USP24: variants seen among roughly 807,000 people sequenced by gnomAD.
The protein encoded by USP24 is ubiquitin specific peptidase 24, also known as ubiquitin carboxyl-terminal hydrolase 24.
USP24 carries 97 observed loss-of-function variants against 361.6 expected under a neutral mutation model. The ratio of observed to expected loss-of-function variants is 0.27; its 90% CI spans 0.23 to 0.32. USP24 has a LOEUF of 0.32. Among genes scored for constraint, USP24 ranks in the 10% least tolerant of loss-of-function variants. The pLI is 1.00. For synonymous variants in USP24, 1,098 were observed against 1,124.6 expected (o/e 0.98, Z 0.47); for missense variants, 2,353 against 3,165.6 (o/e 0.74, Z 6.16).
rs1402776866 is a variant in USP24 at position 55,068,646 on chromosome 1, A to G, written c.*399T>C. The G allele has an allele frequency of 5.6e-6, 1 of 177,302 alleles. No homozygotes were observed. Among genetic ancestry groups the G allele is most frequent in the African/African-American group, 2.4e-5 (1 of 42,534 alleles). The allele number at this position is 177,302 out of a possible 1,614,324, so 11.0% of individuals were successfully genotyped here. A position where few individuals can be genotyped will look rare whatever the true frequency, so the allele number is the denominator to read the frequency against. The stretch of plus-strand genomic sequence containing the variant: ...AAAAATTTGCCCCCACATATCTAAA[A>G]GCAGCTTGCTTTTTCTTAAAATATA... On this transcript the variant is annotated 3_prime_UTR_variant, in exon 68 of 68. Transcript: ENST00000294383.
At chr1:55,075,351 G>A in intron 63 of USP24, 106 bp downstream of exon 63, 1 of 1,091,574 alleles carries the variant, frequency 9.2e-7, no homozygotes, top group Non-Finnish European at 1.3e-6. Flanking sequence ...TACTGTATCA[G>A]TCACTGTAGA....
rs1645591473 is a variant in USP24 at position 55,099,985 on chromosome 1, G to A, written c.5272-116C>T. 3 of 707,716 alleles carry A rather than the reference G, an allele frequency of 4.2e-6. No individual in the cohort carries two copies. In the East Asian group the frequency reaches 8.4e-5, roughly 20 times the overall value. 43.8% of individuals were successfully genotyped at this position (707,716 alleles called of 1,614,324 possible). ...TAAAAATCAGGTTCACTATTAGGAT[G>A]TGGACATTTCTAGTGAAGTGAGACT... On this transcript the variant is annotated intron_variant, in intron 44 of 67. Coordinates refer to ENST00000294383, the MANE Select transcript of USP24 (RefSeq NM_015306.3).
At chr1:55,136,276 T>C (rs1646732548) in intron 28 of USP24, among the ~76,000 whole-genome samples, 1 of 151,976 alleles carries the variant, frequency 6.6e-6, no homozygotes, top group African/African-American at 2.4e-5. Flanking sequence ...ACCATGCTAT[T>C]TGAGGACCAA....
At chr1:55,076,014 C>T (rs896037091) in intron 62 of USP24, among the ~76,000 whole-genome samples, 6 of 151,926 alleles carry the variant, frequency 3.9e-5, no homozygotes, top group Middle Eastern at 3.2e-3. Context: ...AAATATTACA[C>T]GGCTGCCACA....
intron 16 of USP24, among the ~76,000 whole-genome samples, chr1:55,150,922 C>A (rs1647176226): frequency 6.6e-6 from 1 of 152,168 alleles, no homozygotes; most frequent in South Asian, 2.1e-4. Context: ...AAATTGGACT[C>A]AACATTAGAT....
At chr1:55,105,065 A>G (rs2100524415) in intron 41 of USP24, among the ~76,000 whole-genome samples, 1 of 152,192 alleles carries the variant, frequency 6.6e-6, no homozygotes, top group African/African-American at 2.4e-5. Context: ...TCCTTTTTTA[A>G]TCAAGGCACT....
In USP24 at chr1:55,072,342, G is replaced by C; in HGVS notation, c.7664C>G (p.Thr2555Ser). ...CTGAGCTGAAATGGTTCGCTGAAAG[G>C]TTTTTCCAGTTGATGTTTCATTAGA... ...NVSNETSTGK[T>S]FQRTISAQDT... Residue 2555 changes from threonine (T) to serine (S), a missense_variant, in exon 66 of 68, where the codon ACC becomes AGC. Transcript: ENST00000294383. The C allele has an allele frequency of 6.2e-7, 1 of 1,613,712 alleles. No individual in the cohort carries two copies. Among genetic ancestry groups the C allele is most frequent in the Non-Finnish European group, 8.5e-7 (1 of 1,179,820 alleles).
chr1:55,165,898 T>A lies in USP24; in HGVS notation c.914A>T (p.Asp305Val), dbSNP rs369373104. 5.0e-6 allele frequency: 8 copies of A among 1,605,830 alleles called. No homozygotes were observed. The African/African-American group carries it at 1.1e-4, about 22-fold the overall frequency. ...AGTTTAACTTACCCCAAGTTCTATATCTTCTGAATGGAGCTTGGCTTGGAT... is the reference window on the plus strand; with the variant it reads ...AGTTTAACTTACCCCAAGTTCTATAACTTCTGAATGGAGCTTGGCTTGGAT... ...AAIQAKLHSE[D>V]IELGAVSALI... Residue 305 changes from aspartate (D) to valine (V), a missense_variant, in exon 7 of 68, where the codon GAT (aspartate) becomes GTT (valine). Transcript: ENST00000294383.
intron 19 of USP24, among the ~76,000 whole-genome samples, chr1:55,146,631 A>T (rs1647036145): frequency 1.3e-5 from 2 of 152,152 alleles, no homozygotes; most frequent in South Asian, 4.1e-4. Context: ...TCTGTTGGCA[A>T]CTTAAAATTA....
Position 55,077,322 on chromosome 1 carries a change from T to C in USP24, c.7315-22A>G, listed in dbSNP as rs1265645888. ...GGTTCTGAAATATTTTTTAAAAGCA[T>C]AAAAACTTCAGTGGAAAGCATATTG... On this transcript the variant is annotated intron_variant, in intron 61 of 67. Transcript: ENST00000294383. 3.9e-6 allele frequency: 6 copies of C among 1,533,684 alleles called. No individual in the cohort carries two copies. The African/African-American group carries it at 6.9e-5, about 18-fold the overall frequency.
At chr1:55,143,329 G>A (rs756765663) in intron 21 of USP24, among the ~76,000 whole-genome samples, 3 of 152,148 alleles carry the variant, frequency 2.0e-5, no homozygotes, top group African/African-American at 7.2e-5. Context: ...CAAATTCCAC[G>A]GGAACCAGGA....
At chr1:55,176,718 T>TA (rs1650018285) in intron 2 of USP24, among the ~76,000 whole-genome samples, 1 of 152,200 alleles carries the variant, frequency 6.6e-6, no homozygotes, top group Admixed American at 6.5e-5. Context: ...TGATTGAACT[T>TA]ACATTTCCAT....
At position 55,079,568 on chromosome 1, in the gene USP24, G is replaced by C. The variant is rs370046723; in HGVS notation, c.7170C>G (p.Phe2390Leu). The C allele has an allele frequency of 6.3e-7, 1 of 1,576,422 alleles. No homozygotes were observed. The highest frequency in any genetic ancestry group is 1.4e-5 in the African/African-American group (1 of 72,466). Reference sequence around the variant, plus strand: ...ACAGGTAAGGTTTCCCTTCAGACATGAACAACAAGGCTTCTACCTCCTCAT... The same window carrying C: ...ACAGGTAAGGTTTCCCTTCAGACATCAACAACAAGGCTTCTACCTCCTCAT... ...PLHEEVEALL[F>L]MSEGKPYLLE... Residue 2390 changes from phenylalanine (F) to leucine (L), a missense_variant, in exon 60 of 68, where the codon TTC becomes TTG. Physicochemically the swap from Phe to Leu is conservative, Grantham distance 22. This residue lies in a region of USP24 where 598 missense variants were observed against 761.9 expected (regional missense o/e 0.78). Coordinates refer to ENST00000294383, the MANE Select transcript of USP24 (RefSeq NM_015306.3).
Position 55,157,030 on chromosome 1 carries a change from T to G in USP24, c.1364A>C (p.Tyr455Ser). Reference sequence around the variant, plus strand: ...AATAATTCCCTTTATACGGTCACAGTATTGTGCTTGGTCTATGTTGCCTAA... The same window carrying G: ...AATAATTCCCTTTATACGGTCACAGGATTGTGCTTGGTCTATGTTGCCTAA... ...ALEGNIDQAQYCDRIKGIIEL... is the reference protein window; with the variant it reads ...ALEGNIDQAQSCDRIKGIIEL... The change falls in exon 12 of 68, where the codon TAC (tyrosine) becomes TCC (serine). Residue 455 changes from tyrosine (Y) to serine (S), a missense_variant. Physicochemically the swap from Tyr to Ser is moderately radical, Grantham distance 144. Around this residue, in one of 8 missense-constraint regions of USP24, gnomAD observed 386 missense variants for 560.5 expected, o/e 0.69. Coordinates refer to ENST00000294383, the MANE Select transcript of USP24 (RefSeq NM_015306.3). 6.2e-7 allele frequency: 1 copy of G among 1,613,170 alleles called. No homozygotes were observed. Among genetic ancestry groups the G allele is most frequent in the Non-Finnish European group, 8.5e-7 (1 of 1,179,434 alleles).
At chr1:55,193,620 G>A (rs2100887106) in intron 1 of USP24, among the ~76,000 whole-genome samples, 1 of 152,250 alleles carries the variant, frequency 6.6e-6, no homozygotes, top group African/African-American at 2.4e-5. Flanking sequence ...ATATGGTAAA[G>A]GGGATTGAGA....
At chr1:55,163,741 C>T (rs1219983988) in intron 7 of USP24, among the ~76,000 whole-genome samples, 2 of 152,044 alleles carry the variant, frequency 1.3e-5, no homozygotes, top group Non-Finnish European at 2.9e-5. Context: ...GCTTGAATTG[C>T]ATGGGTTCAC....
intron 1 of USP24, among the ~76,000 whole-genome samples, chr1:55,206,603 A>T (rs1236686515): frequency 6.6e-6 from 1 of 150,540 alleles, no homozygotes; most frequent in East Asian, 2.0e-4. Context: ...CACAATTAAA[A>T]CTTATATTTT....
At position 55,068,961 on chromosome 1, in the gene USP24, C is replaced by T; in HGVS notation, c.*84G>A. 1 of 1,468,278 alleles carries T rather than the reference C, an allele frequency of 6.8e-7. No homozygotes were observed. The highest frequency in any genetic ancestry group is 9.5e-7 in the Non-Finnish European group (1 of 1,050,660). The allele number at this position is 1,468,278 out of a possible 1,614,324, so 91.0% of individuals were successfully genotyped here. A position where few individuals can be genotyped will look rare whatever the true frequency, so the allele number is the denominator to read the frequency against. On this transcript the variant is annotated 3_prime_UTR_variant, in exon 68 of 68. Coordinates refer to ENST00000294383, the MANE Select transcript of USP24 (RefSeq NM_015306.3). Reference sequence around the variant, plus strand: ...TTCCCAGTCCAATCTCCAGGCTCTTCCAAAGGGTTCGAGATTCTGATTCCA... The same window carrying T: ...TTCCCAGTCCAATCTCCAGGCTCTTTCAAAGGGTTCGAGATTCTGATTCCA...
intron 38 of USP24, among the ~76,000 whole-genome samples, chr1:55,117,968 T>C (rs982208107): frequency 1.3e-5 from 2 of 152,076 alleles, no homozygotes; most frequent in Admixed American, 6.6e-5. Context: ...TCTACAAACA[T>C]TGCTGAAAGA....
Sources: allele counts gnomAD v4.1 joint callset (sites outside exome capture counted in the v4.1 genomes callset), GRCh38; gene constraint gnomAD v4.1.1; regional missense constraint gnomAD v4.1.1; transcripts MANE v1.5; gene names NCBI Gene and HGNC (gene_info 2026-07-23, HGNC 2026-07-21).